The following PKHD1 variants were observed in gnomAD, a reference collection of about 807,000 sequenced individuals.
PKHD1 encodes fibrocystin.
In PKHD1, 291 loss-of-function variants were observed where a neutral mutation model predicts 412.0. The observed-to-expected ratio is 0.71, with a 90% confidence interval of 0.64 to 0.78. The LOEUF is 0.78. PKHD1 is among the 30% of genes least tolerant of loss of function. PKHD1 has a pLI of 0.00. For synonymous variants in PKHD1, 1,777 were observed against 1,821.5 expected, an observed-to-expected ratio of 0.98 and a Z score of 0.62; for missense variants, 4,825 against 4,950.7, an observed-to-expected ratio of 0.97 and a Z score of 0.76.
chr6:51,795,290 T>C (rs1459956957), intron 52 of PKHD1, among the ~76,000 whole-genome samples: 1 of 152,198 alleles, frequency 6.6e-6, no homozygotes, highest in African/African-American at 2.4e-5. Flanking sequence ...CTTGTGGCAA[T>C]TGTGAATGGG....
rs1316560150 is a variant in PKHD1, at chr6:51,658,961, A to G, written c.11165T>C (p.Ile3722Thr). Residue 3722 changes from isoleucine (I) to threonine (T), a missense_variant, in exon 61 of 67, where the codon ATT (isoleucine) becomes ACT (threonine). Coordinates refer to ENST00000371117, the MANE Select transcript of PKHD1 (RefSeq NM_138694.4). ...ALLVTQSKGV[I>T]GYGNTSSFKT... is the part of the protein sequence containing the mutation. ...TATAATTAGTACTTACCCATAGCCA[A>G]TGACTCCCTTTGACTGAGTAACTAG... The G allele has an allele frequency of 3.4e-5, 54 of 1,608,596 alleles. No homozygotes were observed. Among genetic ancestry groups the G allele is most frequent in the Non-Finnish European group, 4.5e-5 (53 of 1,175,236 alleles).
At chr6:51,690,459 G>A (rs186957233) in intron 60 of PKHD1, among the ~76,000 whole-genome samples, 17 of 152,084 alleles carry the variant, frequency 1.1e-4, no homozygotes, top group East Asian at 5.8e-4. Flanking sequence ...GTACTGGTAC[G>A]AGAACAAGAC....
Position 51,618,426 on chromosome 6 carries a change from T to C in PKHD1, c.*655A>G, listed in dbSNP as rs1215763209. On this transcript the variant is annotated 3_prime_UTR_variant, in exon 67 of 67. Coordinates refer to ENST00000371117, the MANE Select transcript of PKHD1 (RefSeq NM_138694.4). ...TTAACTAAACTCTCAGCAAAGCCCATGAGAATATCAATTTTCATGTGTAAA... is the reference window on the plus strand; with the variant it reads ...TTAACTAAACTCTCAGCAAAGCCCACGAGAATATCAATTTTCATGTGTAAA... The C allele has an allele frequency of 6.5e-6, 1 of 153,534 alleles. No individual in the cohort carries two copies. Among genetic ancestry groups the C allele is most frequent in the African/African-American group, 2.4e-5 (1 of 41,422 alleles). 9.5% of individuals were successfully genotyped at this position (153,534 alleles called of 1,614,324 possible).
rs1459250716 is a variant in PKHD1, at chr6:52,083,245, C to A, written c.63G>T (p.Leu21=). 1.9e-6 allele frequency: 3 copies of A among 1,604,924 alleles called. No individual in the cohort carries two copies. Among genetic ancestry groups the A allele is most frequent in the Non-Finnish European group, 2.6e-6 (3 of 1,171,614 alleles). ...IEVLLLAVRH[L]SLHIEPEEGS... is the part of the protein sequence containing the mutation. ...CTTCTTCAGGTTCAATATGTAAACT[C>A]AGGTGACGTACTGTAAGTAAGTGAA... The change falls in exon 3 of 67, where the codon CTG becomes CTT. Residue 21 remains leucine (L), a synonymous_variant. Transcript: ENST00000371117.
At chr6:52,086,898 A>G (rs1812872227) in intron 1 of PKHD1, among the ~76,000 whole-genome samples, 1 of 152,224 alleles carries the variant, frequency 6.6e-6, no homozygotes, top group East Asian at 1.9e-4. Context: ...TGCTTAGTCC[A>G]AAAGCATGAG....
intron 60 of PKHD1, among the ~76,000 whole-genome samples, chr6:51,734,711 GA>G (rs1000813252): frequency 0.011 from 1,558 of 145,224 alleles, 25 homozygotes; most frequent in African/African-American, 0.036. Context: ...ATATGTGGAG[GA>G]AAAAAAAAAA....
rs191096303 is a variant in PKHD1 at position 51,644,974 on chromosome 6, G to A, written c.11398+3057C>T. ...ATTACAGGCATGTGTCACTGAGCCC[G>A]GCCAATAAACCGAATTTTTAAAGAG... On this transcript the variant is annotated intron_variant, in intron 63 of 66. Coordinates refer to ENST00000371117, the MANE Select transcript of PKHD1 (RefSeq NM_138694.4). 5.8e-4 allele frequency among the ~76,000 whole-genome samples: 88 copies of A among 152,158 alleles called. 1 individual carries two copies. Among genetic ancestry groups the A allele is most frequent in the African/African-American group, 1.6e-3 (65 of 41,498 alleles).
chr6:52,004,246 G>A (rs565644623), intron 35 of PKHD1, among the ~76,000 whole-genome samples: 1 of 151,784 alleles, frequency 6.6e-6, no homozygotes, highest in Non-Finnish European at 1.5e-5. Context: ...CAAGTTCACT[G>A]ATCTTGTCTT....
chr6:51,630,105 G>T (rs1366033117), intron 65 of PKHD1, among the ~76,000 whole-genome samples: 1 of 152,088 alleles, frequency 6.6e-6, no homozygotes, highest in Non-Finnish European at 1.5e-5. Flanking sequence ...ATGGATAAAA[G>T]CTCCATTCAA....
intron 35 of PKHD1, among the ~76,000 whole-genome samples, chr6:51,967,857 T>C (rs1793061771): frequency 1.3e-5 from 2 of 152,334 alleles, no homozygotes; most frequent in South Asian, 4.1e-4. Context: ...AAGGTTAACA[T>C]TTTAAGTGAT....
intron 21 of PKHD1, among the ~76,000 whole-genome samples, chr6:52,051,508 A>T (rs1326317593): frequency 4.6e-5 from 7 of 152,172 alleles, no homozygotes; most frequent in Admixed American, 3.9e-4. Flanking sequence ...TGGGAGGCAG[A>T]CCGTTTCATG....
In PKHD1 at chr6:52,014,728, G is replaced by A. The variant is rs554725899; in HGVS notation, c.5600+2682C>T. Among the ~76,000 whole-genome samples, 21 of 146,592 alleles carry A rather than the reference G, an allele frequency of 1.4e-4. No homozygotes were observed. The South Asian group carries it at 4.9e-3, about 35-fold the overall frequency. ...TGGATGGATGGATGGATGGATGGAT[G>A]GATGGATGGATGGATGGATGGATGG... On this transcript the variant is annotated intron_variant, in intron 34 of 66. Transcript: ENST00000371117.
chr6:52,001,325 T>G (rs538962081), intron 35 of PKHD1, among the ~76,000 whole-genome samples: 1 of 152,268 alleles, frequency 6.6e-6, no homozygotes, highest in East Asian at 1.9e-4. Context: ...TCATTGGTAA[T>G]AATGTCCTAG....
At chr6:51,804,037 G>A (rs1471737804) in intron 52 of PKHD1, among the ~76,000 whole-genome samples, 1 of 151,412 alleles carries the variant, frequency 6.6e-6, no homozygotes, top group Non-Finnish European at 1.5e-5. Context: ...GAAGAACAAA[G>A]AAGTAGATGT....
rs777754441 is a variant in PKHD1, at chr6:51,748,440, G to A, written c.9176C>T (p.Thr3059Ile). 2 of 1,614,026 alleles carry A rather than the reference G, an allele frequency of 1.2e-6. No homozygotes were observed. Among genetic ancestry groups the A allele is most frequent in the East Asian group, 2.2e-5 (1 of 44,878 alleles). The change falls in exon 58 of 67, where the codon ACT (threonine) becomes ATT (isoleucine). Residue 3059 changes from threonine (T) to isoleucine (I), a missense_variant. Thr to Ile is a moderately conservative substitution (Grantham distance 89). Coordinates refer to ENST00000371117, the MANE Select transcript of PKHD1 (RefSeq NM_138694.4). ...CAGAACCACAAGGTTATTAGTGACA[G>A]TATAGGCCTGACCCTCTAAATCTAT... is the stretch of plus-strand genomic sequence containing the variant. Reference protein sequence around the residue: ...HGIDLEGQAYTVTNNLVVLMT... With the variant: ...HGIDLEGQAYIVTNNLVVLMT...
At chr6:51,639,125 C>A (rs948108391) in intron 63 of PKHD1, among the ~76,000 whole-genome samples, 169 bp from the exon 64 acceptor site, 1 of 152,124 alleles carries the variant, frequency 6.6e-6, no homozygotes, top group African/African-American at 2.4e-5. Flanking sequence ...AACCAAATGA[C>A]CCAAGACAGA....
chr6:51,769,673 T>C (rs1789719591), intron 55 of PKHD1, among the ~76,000 whole-genome samples: 1 of 150,412 alleles, frequency 6.6e-6, no homozygotes, highest in Admixed American at 6.6e-5. Context: ...ATTTTGTTTC[T>C]AATTTCTCAT....
intron 35 of PKHD1, among the ~76,000 whole-genome samples, chr6:52,001,632 C>T (rs937815411): frequency 2.0e-5 from 3 of 151,952 alleles, no homozygotes; most frequent in African/African-American, 7.3e-5. Flanking sequence ...GGGGTTTCAC[C>T]GTGTTAGCCA....
chr6:51,934,127 C>A lies in PKHD1; in HGVS notation c.6104G>T (p.Gly2035Val). 1 of 1,612,934 alleles carries A rather than the reference C, an allele frequency of 6.2e-7. No individual in the cohort carries two copies. The highest frequency in any genetic ancestry group is 8.5e-7 in the Non-Finnish European group (1 of 1,178,864). The change falls in exon 37 of 67, where the codon GGA becomes GTA. Residue 2035 changes from glycine to valine, a missense_variant. Coordinates refer to ENST00000371117, the MANE Select transcript of PKHD1 (RefSeq NM_138694.4). ...YGVKFLAVRNGTLSLHGSLPE... is the reference protein window; with the variant it reads ...YGVKFLAVRNVTLSLHGSLPE... ...TCACTCACCGTGCAGAGAAAGAGTT[C>A]CATTCCTCACAGCCAGGAACTTGAC...
Sources: gnomAD v4.1 joint callset for allele counts (sites outside exome capture counted in the v4.1 genomes callset) on GRCh38, gnomAD v4.1.1 for gene constraint, MANE v1.5 for transcripts, NCBI Gene and HGNC (gene_info 2026-07-23, HGNC 2026-07-21) for gene names.